The following PAX8 variants were observed in gnomAD, a reference collection of about 807,000 sequenced individuals.
PAX8 encodes paired box protein Pax-8.
Under a neutral mutation model 52.4 loss-of-function variants are expected in PAX8, and 15 were observed. The ratio of observed to expected loss-of-function variants is 0.29; its 90% CI spans 0.19 to 0.44. The LOEUF is 0.44. Ranked by LOEUF, PAX8 falls within the 20% of genes least tolerant of loss-of-function variation. The probability of loss-of-function intolerance (pLI) is 1.00; values close to 1 mark genes in which losing one functional copy is unlikely to be tolerated. For missense variants in PAX8, 554 were observed against 602.5 expected (o/e 0.92, Z 0.84); for synonymous variants, 284 against 249.7 (o/e 1.14, Z -1.29).
chr2:113,264,813 CAAGGGA>C (rs1417824137), intron 2 of PAX8, among the ~76,000 whole-genome samples: 1 of 152,114 alleles, frequency 6.6e-6, no homozygotes, highest in Non-Finnish European at 1.5e-5. Flanking sequence ...GAGGCTTTGT[CAAGGGA>C]GTGGGAGTGG....
chr2:113,246,991 A>G (rs2104508373), intron 2 of PAX8, 72 bp from the exon 3 acceptor site: 2 of 1,381,800 alleles, frequency 1.4e-6, no homozygotes, highest in Non-Finnish European at 2.0e-6. Flanking sequence ...AGCTATGAGT[A>G]CAGGTGCTGG....
rs114766693 is a variant in PAX8 at position 113,253,192 on chromosome 2, C to T, written c.26-6273G>A. Among the ~76,000 whole-genome samples, 1,315 of 152,292 alleles carry T rather than the reference C, an allele frequency of 8.6e-3. 7 individuals are homozygous for T. Among genetic ancestry groups the T allele is most frequent in the Non-Finnish European group, 0.012 (848 of 68,028 alleles). ...TAATGGGGTTCTGTTCCCTTATTTG[C>T]TCCATGACATATGTTTTCTCCCTTC... On this transcript the variant is annotated intron_variant, in intron 2 of 11. Transcript: ENST00000429538.
At chr2:113,238,469 T>C (rs1032372542) in intron 7 of PAX8, 1 of 152,622 alleles carries the variant, frequency 6.6e-6, no homozygotes, top group Non-Finnish European at 1.5e-5. Context: ...CAGCAAAATA[T>C]CTACTCAGAA....
intron 7 of PAX8, 33 bp from the exon 8 acceptor site, chr2:113,236,754 CG>C (rs1690384675): frequency 6.5e-7 from 1 of 1,544,624 alleles, no homozygotes; most frequent in African/African-American, 1.4e-5. Context: ...CGCACAGAGA[CG>C]ATCCAACAAG....
intron 7 of PAX8, chr2:113,236,962 G>A (rs573265735): frequency 7.2e-6 from 4 of 555,758 alleles, no homozygotes; most frequent in African/African-American, 5.7e-5. Context: ...GGGATAGAGA[G>A]TCTCAGCCAG....
intron 2 of PAX8, among the ~76,000 whole-genome samples, chr2:113,251,894 T>G (rs2104526566): frequency 6.6e-6 from 1 of 152,366 alleles, no homozygotes; most frequent in Non-Finnish European, 1.5e-5. Context: ...TTTGAGTTTC[T>G]TTATGAGTTA....
chr2:113,250,447 A>C (rs1017802833), intron 2 of PAX8, among the ~76,000 whole-genome samples: 1 of 152,206 alleles, frequency 6.6e-6, no homozygotes, highest in South Asian at 2.1e-4. Flanking sequence ...TTCAGTGTGC[A>C]TCAGAATCAC....
chr2:113,220,219 G>C, intron 10 of PAX8, 41 bp from the exon 11 acceptor site: 1 of 1,477,570 alleles, frequency 6.8e-7, no homozygotes, highest in Non-Finnish European at 9.5e-7. Context: ...GAGGTGAAGG[G>C]CATCAATGCA....
chr2:113,224,820 A>T (rs1689460627), intron 10 of PAX8, among the ~76,000 whole-genome samples: 2 of 143,322 alleles, frequency 1.4e-5, no homozygotes, highest in East Asian at 3.9e-4. Flanking sequence ...ATAAAATAAA[A>T]AAATAAAATA....
chr2:113,218,440 G>T lies in PAX8; in HGVS notation c.*93C>A. 1 of 659,342 alleles carries T rather than the reference G, an allele frequency of 1.5e-6. No homozygotes were observed. The highest frequency in any genetic ancestry group is 2.5e-6 in the Non-Finnish European group (1 of 393,804). 40.8% of individuals were successfully genotyped at this position (659,342 alleles called of 1,614,324 possible). On this transcript the variant is annotated 3_prime_UTR_variant, in exon 12 of 12. Coordinates refer to ENST00000429538, the MANE Select transcript of PAX8 (RefSeq NM_003466.4). The stretch of plus-strand genomic sequence containing the variant: ...TGCTGGACTTGTGGTTATTTTTCAT[G>T]TAATAAATAAAGATTCCTTTGTGTG...
At position 113,221,853 on chromosome 2, in the gene PAX8, T is replaced by C. The variant is rs1027457643; in HGVS notation, c.1190-1675A>G. Reference sequence around the variant, plus strand: ...ATCCTCTCCTTGTCTAGGAAGTCAATGACGGACTGAGAACACAGTAAGAAA... The same window carrying C: ...ATCCTCTCCTTGTCTAGGAAGTCAACGACGGACTGAGAACACAGTAAGAAA... On this transcript the variant is annotated intron_variant, in intron 10 of 11. Transcript: ENST00000429538. Among the ~76,000 whole-genome samples the C allele has an allele frequency of 5.9e-5, 9 of 151,806 alleles. No homozygotes were observed. The South Asian group carries it at 1.2e-3, about 21-fold the overall frequency.
rs371624917 is a variant in PAX8 at position 113,246,746 on chromosome 2, G to T, written c.191+8C>A. 3 of 1,611,314 alleles carry T rather than the reference G, an allele frequency of 1.9e-6. No individual in the cohort carries two copies. The highest frequency in any genetic ancestry group is 2.5e-6 in the Non-Finnish European group (3 of 1,178,226). ...GGGAAGGCGGCCTGCGGTGAATTTC[G>T]TGCTTACCTGCCAAGGATCTTGCTG... On this transcript the variant is annotated splice_region_variant and intron_variant, in intron 3 of 11. Coordinates refer to ENST00000429538, the MANE Select transcript of PAX8 (RefSeq NM_003466.4).
In PAX8 at chr2:113,235,567, A is replaced by G; in HGVS notation, c.914T>C (p.Phe305Ser). The change falls in exon 9 of 12, where the codon TTC (phenylalanine) becomes TCC (serine). Residue 305 changes from phenylalanine to serine, a missense_variant. Physicochemically the swap from Phe to Ser is radical, Grantham distance 155. Around this residue, in one of 2 missense-constraint regions of PAX8, gnomAD observed 445 missense variants for 409.9 expected, o/e 1.09. Coordinates refer to ENST00000429538, the MANE Select transcript of PAX8 (RefSeq NM_003466.4). ...YPVVADPHSPFAIKQETPEVS... is the reference protein window; with the variant it reads ...YPVVADPHSPSAIKQETPEVS... ...CTCGGGGGTTTCCTGCTTTATGGCG[A>G]AGGGTGAGTGAGGATCTGCCGGAGG... 6.2e-7 allele frequency: 1 copy of G among 1,612,360 alleles called. No homozygotes were observed. The highest frequency in any genetic ancestry group is 8.5e-7 in the Non-Finnish European group (1 of 1,178,862).
chr2:113,227,106 C>G (rs1460732015), intron 10 of PAX8, 49 bp downstream of exon 10: 2 of 1,544,974 alleles, frequency 1.3e-6, no homozygotes, highest in Non-Finnish European at 1.7e-6. Flanking sequence ...CACCTTGCTC[C>G]AATACTTCCT....
intron 4 of PAX8, among the ~76,000 whole-genome samples, chr2:113,243,839 A>G (rs1307005107): frequency 3.9e-5 from 6 of 152,224 alleles, no homozygotes; most frequent in Non-Finnish European, 2.9e-5. Context: ...TACCTTGCAT[A>G]TCTTCATGTT....
At position 113,262,392 on chromosome 2, in the gene PAX8, T is replaced by C. The variant is rs139476752; in HGVS notation, c.26-15473A>G. On this transcript the variant is annotated intron_variant, in intron 2 of 11. Coordinates refer to ENST00000429538, the MANE Select transcript of PAX8 (RefSeq NM_003466.4). Reference sequence around the variant, plus strand: ...TGGGAGGGGGAGTCCCCTCCTCTGTTGGAGCAATAGGAAAGGTTCTGGAGG... The same window carrying C: ...TGGGAGGGGGAGTCCCCTCCTCTGTCGGAGCAATAGGAAAGGTTCTGGAGG... Among the ~76,000 whole-genome samples the C allele has an allele frequency of 1.8e-3, 273 of 152,284 alleles. 1 individual carries two copies. Among genetic ancestry groups the C allele is most frequent in the African/African-American group, 6.4e-3 (265 of 41,546 alleles).
At chr2:113,249,641 A>G (rs1691605762) in intron 2 of PAX8, among the ~76,000 whole-genome samples, 2 of 152,104 alleles carry the variant, frequency 1.3e-5, no homozygotes, top group Non-Finnish European at 2.9e-5. Flanking sequence ...CTTAATTATT[A>G]TGAAGGACTG....
intron 9 of PAX8, among the ~76,000 whole-genome samples, chr2:113,228,662 C>T (rs1407912204): frequency 6.6e-6 from 1 of 152,230 alleles, no homozygotes; most frequent in Admixed American, 6.5e-5. Flanking sequence ...GACTCTTTTA[C>T]CCAAATGCCT....
chr2:113,235,643 C>T (rs1690225736), intron 8 of PAX8, 61 bp from the exon 9 acceptor site: 4 of 1,398,904 alleles, frequency 2.9e-6, no homozygotes, highest in Admixed American at 1.9e-5. Context: ...AGGGAACACG[C>T]ACAAGCCAAG....
Sources: gnomAD v4.1 joint callset for allele counts (sites outside exome capture counted in the v4.1 genomes callset) on GRCh38, gnomAD v4.1.1 for gene constraint, gnomAD v4.1.1 regional missense constraint, MANE v1.5 for transcripts, NCBI Gene and HGNC (gene_info 2026-07-23, HGNC 2026-07-21) for gene names.